Variants in AGBL1 observed in about 807,000 individuals in gnomAD.
AGBL1 encodes cytosolic carboxypeptidase 4.
AGBL1 carries 130 observed loss-of-function variants against 118.9 expected under a neutral mutation model. The observed-to-expected ratio is 1.09, with a 90% CI of 0.95 to 1.26. The LOEUF (loss-of-function observed/expected upper bound fraction) is 1.26, where lower values mean the gene tolerates loss of function less well. Among genes scored for constraint, AGBL1 ranks in the 50% most tolerant of loss-of-function variants. The pLI, the probability that AGBL1 is intolerant of heterozygous loss-of-function variation, is 0.00. For synonymous variants in AGBL1, 555 were observed against 478.9 expected, an observed-to-expected ratio of 1.16 and a Z score of -2.08; for missense variants, 1,584 against 1,298.1, an observed-to-expected ratio of 1.22 and a Z score of -3.38.
chr15:86,141,033 TA>T (rs1028020260), intron 1 of AGBL1, among the ~76,000 whole-genome samples: 3 of 152,218 alleles, frequency 2.0e-5, no homozygotes, highest in African/African-American at 7.2e-5. Context: ...TTGCCTTAAA[TA>T]AAATACCCTC....
At chr15:86,596,298 T>G (rs764614542) in intron 21 of AGBL1, among the ~76,000 whole-genome samples, 27 of 152,230 alleles carry the variant, frequency 1.8e-4, no homozygotes, top group Non-Finnish European at 1.3e-4. Flanking sequence ...ATATCCTCTT[T>G]TGCTAGGATC....
chr15:86,872,213 G>C (rs1567217707), intron 22 of AGBL1, among the ~76,000 whole-genome samples: 2 of 152,164 alleles, frequency 1.3e-5, no homozygotes, highest in Non-Finnish European at 1.5e-5. Context: ...CACAAGCAGT[G>C]CCTGTGAATT....
chr15:86,925,015 T>G (rs2080516403), intron 23 of AGBL1, among the ~76,000 whole-genome samples: 1 of 151,278 alleles, frequency 6.6e-6, no homozygotes, highest in African/African-American at 2.4e-5. Flanking sequence ...GAAAGGAGAA[T>G]CGCTTGAACC....
chr15:86,824,201 C>T (rs2078977015), intron 22 of AGBL1, among the ~76,000 whole-genome samples: 1 of 151,982 alleles, frequency 6.6e-6, no homozygotes, highest in Non-Finnish European at 1.5e-5. Flanking sequence ...CTACCCAATA[C>T]CCCCCAAAAA....
In AGBL1 at chr15:86,311,665, C is replaced by T. The variant is rs373371545; in HGVS notation, c.2374+16257C>T. Among the ~76,000 whole-genome samples the T allele has an allele frequency of 2.6e-4, 40 of 151,658 alleles. No homozygotes were observed. The South Asian group carries it at 7.9e-3, about 30-fold the overall frequency. ...AGAAGAGTGTGATTTTTATTTTTTC[C>T]GCTTGTAAGATGACTAATTTACCCA... On this transcript the variant is annotated intron_variant, in intron 17 of 22. Coordinates refer to ENST00000614907, the MANE Select transcript of AGBL1 (RefSeq NM_001386094.1).
intron 22 of AGBL1, among the ~76,000 whole-genome samples, chr15:86,821,217 AC>A (rs1459874954): frequency 1.3e-5 from 2 of 152,112 alleles, no homozygotes; most frequent in Non-Finnish European, 2.9e-5. Context: ...TAGGAGAAAT[AC>A]CTAATATAGA....
intron 1 of AGBL1, among the ~76,000 whole-genome samples, chr15:86,108,459 T>C (rs970765612): frequency 4.6e-5 from 7 of 152,192 alleles, no homozygotes; most frequent in Non-Finnish European, 5.9e-5. Context: ...TGCCAGAATA[T>C]AGGAGATTAG....
At chr15:86,633,105 A>G (rs2085003509) in intron 21 of AGBL1, among the ~76,000 whole-genome samples, 1 of 152,018 alleles carries the variant, frequency 6.6e-6, no homozygotes, top group African/African-American at 2.4e-5. Flanking sequence ...AATTCAGAAC[A>G]ATAAAGACAA....
chr15:86,578,854 C>T lies in AGBL1; in HGVS notation c.2994+24317C>T, dbSNP rs150074661. ...GTGGAACTGTAAGTCCAACAAACCT[C>T]TTTCTTTTGAAATTGCTCAGTCTCG... On this transcript the variant is annotated intron_variant, in intron 21 of 22. Transcript: ENST00000614907. Among the ~76,000 whole-genome samples, 1,218 of 152,306 alleles carry T rather than the reference C, an allele frequency of 8.0e-3. 45 individuals carry two copies. Among genetic ancestry groups the T allele is most frequent in the Admixed American group, 0.074 (1,127 of 15,286 alleles).
chr15:86,900,647 T>A (rs1332978366), intron 22 of AGBL1, among the ~76,000 whole-genome samples: 1 of 144,974 alleles, frequency 6.9e-6, no homozygotes, highest in Non-Finnish European at 1.5e-5. Context: ...CTATCTTATA[T>A]CAGAATTTTT....
At chr15:86,799,453 A>T (rs973891085) in intron 22 of AGBL1, among the ~76,000 whole-genome samples, 5 of 152,156 alleles carry the variant, frequency 3.3e-5, no homozygotes, top group African/African-American at 7.2e-5. Context: ...AGCAAGTGCC[A>T]AGAGGTAACA....
At chr15:86,447,058 A>C (rs2082129247) in intron 18 of AGBL1, among the ~76,000 whole-genome samples, 1 of 151,574 alleles carries the variant, frequency 6.6e-6, no homozygotes, top group South Asian at 2.1e-4. Flanking sequence ...AGGGCCCATA[A>C]ATCTGAATTT....
intron 18 of AGBL1, among the ~76,000 whole-genome samples, chr15:86,397,882 A>T (rs746616542): frequency 6.6e-6 from 1 of 152,180 alleles, no homozygotes; most frequent in African/African-American, 2.4e-5. Context: ...TAGCAGAGGA[A>T]GAATCTAGTT....
chr15:86,279,322 AT>A (rs1289791174), intron 15 of AGBL1, among the ~76,000 whole-genome samples: 1 of 152,066 alleles, frequency 6.6e-6, no homozygotes, highest in Non-Finnish European at 1.5e-5. Flanking sequence ...AACTGTTCAG[AT>A]TTTCCTCGAT....
rs772607535 is a variant in AGBL1, at chr15:86,365,006, T to TATAC, written c.2375-32358_2375-32355dup. The stretch of plus-strand genomic sequence containing the variant: ...ATATATATACACACACACATATATA[T>TATAC]ATACACACACATATATATATACACA... On this transcript the variant is annotated intron_variant, in intron 17 of 22. Coordinates refer to ENST00000614907, the MANE Select transcript of AGBL1 (RefSeq NM_001386094.1). 4.5e-3 allele frequency among the ~76,000 whole-genome samples: 609 copies of TATAC among 134,660 alleles called. 47 individuals carry two copies. The highest frequency in any genetic ancestry group is 0.019 in the Middle Eastern group (5 of 264). 88.3% of individuals were successfully genotyped at this position (134,660 alleles called of 152,430 possible). A position where few individuals can be genotyped will look rare whatever the true frequency, so the allele number is the denominator to read the frequency against.
chr15:86,435,503 T>G lies in AGBL1; in HGVS notation c.2555+37957T>G, dbSNP rs145006226. Among the ~76,000 whole-genome samples, 332 of 152,344 alleles carry G rather than the reference T, an allele frequency of 2.2e-3. 4 individuals are homozygous for G. Among genetic ancestry groups the G allele is most frequent in the African/African-American group, 7.6e-3 (315 of 41,586 alleles). Reference sequence around the variant, plus strand: ...TTTAAGCCATGAAAGGTGCTCCATTTAGGCTAATTTTAAAAGAATAATCTC... The same window carrying G: ...TTTAAGCCATGAAAGGTGCTCCATTGAGGCTAATTTTAAAAGAATAATCTC... On this transcript the variant is annotated intron_variant, in intron 18 of 22. Coordinates refer to ENST00000614907, the MANE Select transcript of AGBL1 (RefSeq NM_001386094.1).
At chr15:86,299,199 C>T (rs1182478445) in intron 17 of AGBL1, among the ~76,000 whole-genome samples, 2 of 152,096 alleles carry the variant, frequency 1.3e-5, no homozygotes, top group East Asian at 1.9e-4. Context: ...GCCCTCAAAG[C>T]CAAACTGTGG....
chr15:86,761,463 A>G (rs2078022881), intron 22 of AGBL1, among the ~76,000 whole-genome samples: 1 of 152,050 alleles, frequency 6.6e-6, no homozygotes, highest in Non-Finnish European at 1.5e-5. Flanking sequence ...CGGGAATACA[A>G]ATGTAGGTAC....
intron 6 of AGBL1, among the ~76,000 whole-genome samples, chr15:86,244,611 G>A (rs1597614460): frequency 6.6e-6 from 1 of 152,046 alleles, no homozygotes; most frequent in East Asian, 1.9e-4. Flanking sequence ...AAAATCATTG[G>A]GATTTGATAA....
Sources: gnomAD v4.1 joint callset for allele counts (sites outside exome capture counted in the v4.1 genomes callset) on GRCh38, gnomAD v4.1.1 for gene constraint, MANE v1.5 for transcripts, NCBI Gene and HGNC (gene_info 2026-07-23, HGNC 2026-07-21) for gene names.